The following DIS3L2 variants were observed in gnomAD, a reference collection of about 807,000 sequenced individuals.
DIS3L2 encodes DIS3 like 3'-5' exoribonuclease 2.
Under a neutral mutation model 97.5 loss-of-function variants are expected in DIS3L2, and 34 were observed. That is an observed-to-expected ratio of 0.35 (90% CI 0.27 to 0.46). The LOEUF (loss-of-function observed/expected upper bound fraction) is 0.46. Among genes scored for constraint, DIS3L2 ranks in the 20% least tolerant of loss-of-function variants. The pLI, the probability that DIS3L2 is intolerant of heterozygous loss-of-function variation, is 1.00. For synonymous variants in DIS3L2, 435 were observed against 445.2 expected (o/e 0.98, Z 0.29); for missense variants, 1,038 against 1,146.0 (o/e 0.91, Z 1.36).
In DIS3L2 at chr2:232,163,523, G is replaced by C; in HGVS notation, c.1015G>C (p.Glu339Gln). The change falls in exon 9 of 21, where the codon GAG becomes CAG. Residue 339 changes from glutamate to glutamine, a missense_variant. This residue lies in a region of DIS3L2 where 813 missense variants were observed against 880.1 expected (regional missense o/e 0.92). Coordinates refer to ENST00000325385, the MANE Select transcript of DIS3L2 (RefSeq NM_152383.5). ...GCCTGAAACAGAAGGAATACTAACAGAGTATGGCGTGGATTTCTCTGATTT... is the reference window on the plus strand; with the variant it reads ...GCCTGAAACAGAAGGAATACTAACACAGTATGGCGTGGATTTCTCTGATTT... ...IEPETEGILT[E>Q]YGVDFSDFSS... 6.2e-7 allele frequency: 1 copy of C among 1,614,216 alleles called. No homozygotes were observed. Among genetic ancestry groups the C allele is most frequent in the Non-Finnish European group, 8.5e-7 (1 of 1,180,038 alleles).
intron 13 of DIS3L2, among the ~76,000 whole-genome samples, chr2:232,272,019 G>A (rs1247623396): frequency 6.6e-6 from 1 of 152,192 alleles, no homozygotes; most frequent in Non-Finnish European, 1.5e-5. Context: ...TTTCTGGCTT[G>A]TTCACGAGTG....
At chr2:232,031,593 T>C (rs958125580) in intron 5 of DIS3L2, among the ~76,000 whole-genome samples, 2 of 151,964 alleles carry the variant, frequency 1.3e-5, no homozygotes, top group Non-Finnish European at 2.9e-5. Flanking sequence ...GGTGGTTTGC[T>C]GCACCCATTA....
At chr2:232,144,990 A>C (rs992080371) in intron 8 of DIS3L2, among the ~76,000 whole-genome samples, 3 of 152,200 alleles carry the variant, frequency 2.0e-5, no homozygotes, top group Non-Finnish European at 4.4e-5. Context: ...CTGGTTAAGG[A>C]GGCATCTGCC....
chr2:232,339,731 CGA>C (rs1169140442), downstream of DIS3L2: 4 of 455,950 alleles, frequency 8.8e-6, no homozygotes, highest in Admixed American at 2.4e-5. Flanking sequence ...GCCACATGGA[CGA>C]GAGAGCCGGG....
chr2:232,147,120 A>C lies in DIS3L2; in HGVS notation c.950+10401A>C, dbSNP rs533062177. 5.3e-5 allele frequency among the ~76,000 whole-genome samples: 8 copies of C among 152,252 alleles called. No individual in the cohort carries two copies. The East Asian group carries it at 1.5e-3, about 29-fold the overall frequency. ...TCCTTTTCTGCTCCAAGATTTTTAA[A>C]ATAAACTTAATTTTAATTAATTAAT... is the stretch of plus-strand genomic sequence containing the variant. On this transcript the variant is annotated intron_variant, in intron 8 of 20. Transcript: ENST00000325385.
At chr2:232,182,956 A>G (rs1240161724) in intron 9 of DIS3L2, among the ~76,000 whole-genome samples, 1 of 152,068 alleles carries the variant, frequency 6.6e-6, no homozygotes, top group Non-Finnish European at 1.5e-5. Context: ...CTATGCTGTG[A>G]TCTGAATGTC....
rs1386202116 is a variant in DIS3L2, at chr2:232,030,054, A to G, written c.340A>G (p.Lys114Glu). 6.2e-7 allele frequency: 1 copy of G among 1,611,680 alleles called. No individual in the cohort carries two copies. The highest frequency in any genetic ancestry group is 1.3e-5 in the African/African-American group (1 of 74,810). The part of the protein sequence containing the change: ...RALNGDLVVV[K>E]LLPEEHWKVV... ...CTTAAATGGGGATCTGGTGGTCGTG[A>G]AACTGCTTCCCGAGGAGCATTGGAA... The change falls in exon 5 of 21, where the codon AAA (lysine) becomes GAA (glutamate). Residue 114 changes from lysine (K) to glutamate (E), a missense_variant. Around this residue, in one of 3 missense-constraint regions of DIS3L2, gnomAD observed 813 missense variants for 880.1 expected, o/e 0.92. Coordinates refer to ENST00000325385, the MANE Select transcript of DIS3L2 (RefSeq NM_152383.5).
chr2:231,999,269 C>T (rs888553678), intron 1 of DIS3L2, among the ~76,000 whole-genome samples: 1 of 152,076 alleles, frequency 6.6e-6, no homozygotes, highest in African/African-American at 2.4e-5. Flanking sequence ...CAGAATTGGC[C>T]ATTTTTCCAT....
intron 6 of DIS3L2, among the ~76,000 whole-genome samples, chr2:232,119,480 T>C (rs1356908663): frequency 6.6e-6 from 1 of 152,218 alleles, no homozygotes; most frequent in East Asian, 1.9e-4. Flanking sequence ...TTGAGTAAGA[T>C]GCAGAATTAG....
chr2:232,000,613 T>TTTTCTTTTCCTTTCCTTTCC (rs1693854070), intron 1 of DIS3L2, among the ~76,000 whole-genome samples: 1 of 107,316 alleles, frequency 9.3e-6, no homozygotes, highest in Non-Finnish European at 1.8e-5. Flanking sequence ...CTTTCCTTTC[T>TTTTCTTTTCCTTTCCTTTCC]TTTCCTTTCC....
intron 13 of DIS3L2, among the ~76,000 whole-genome samples, chr2:232,275,483 A>G (rs1221487555): frequency 6.6e-6 from 1 of 152,176 alleles, no homozygotes; most frequent in Non-Finnish European, 1.5e-5. Context: ...CACTGTGCCC[A>G]TTGTATTGTC....
intron 13 of DIS3L2, among the ~76,000 whole-genome samples, chr2:232,265,414 T>TC (rs1693829174): frequency 6.6e-6 from 1 of 152,258 alleles, no homozygotes; most frequent in East Asian, 1.9e-4. Context: ...CTGGCCTCCC[T>TC]CCCCCAGCTC....
rs536162469 is a variant in DIS3L2, at chr2:232,293,046, C to G, written c.1660-6994C>G. ...CTGCCATTCTTGCAGGCTGACTTCCCAAGCTGAGCTGCTCTGTGGGTGGTC... is the reference window on the plus strand; with the variant it reads ...CTGCCATTCTTGCAGGCTGACTTCCGAAGCTGAGCTGCTCTGTGGGTGGTC... On this transcript the variant is annotated intron_variant, in intron 13 of 20. Transcript: ENST00000325385. The surrounding 1 kb of genome is among the most constrained non-coding windows in gnomAD (Gnocchi z 4.6). Among the ~76,000 whole-genome samples the G allele has an allele frequency of 2.1e-3, 322 of 152,234 alleles. 2 individuals are homozygous for G. Among genetic ancestry groups the G allele is most frequent in the African/African-American group, 7.3e-3 (305 of 41,540 alleles).
chr2:232,163,430 C>G, intron 8 of DIS3L2, 29 bp from the exon 9 acceptor site: 1 of 1,600,962 alleles, frequency 6.2e-7, no homozygotes, highest in East Asian at 2.2e-5. Context: ...TTTGCTAACC[C>G]AGTTATTCCG....
chr2:232,122,055 C>T (rs1697922741), intron 6 of DIS3L2, among the ~76,000 whole-genome samples: 1 of 152,140 alleles, frequency 6.6e-6, no homozygotes, highest in Non-Finnish European at 1.5e-5. Flanking sequence ...ATCATGTCAG[C>T]CTTTTGCCAC....
downstream of DIS3L2, among the ~76,000 whole-genome samples, chr2:232,338,310 C>G (rs553588109): frequency 6.6e-6 from 1 of 152,152 alleles, no homozygotes; most frequent in African/African-American, 2.4e-5. Flanking sequence ...CAGACCCGGA[C>G]GGACACCTGT....
intron 9 of DIS3L2, among the ~76,000 whole-genome samples, chr2:232,183,821 G>A (rs576242144): frequency 5.3e-5 from 8 of 152,236 alleles, no homozygotes; most frequent in African/African-American, 1.9e-4. Context: ...AAGCAAACCC[G>A]GTAAATGGGG....
At chr2:232,264,561 A>G (rs1693805550) in intron 13 of DIS3L2, among the ~76,000 whole-genome samples, 1 of 151,980 alleles carries the variant, frequency 6.6e-6, no homozygotes, top group African/African-American at 2.4e-5. Context: ...TTCTCACCCA[A>G]ACACTCCTTC....
downstream of DIS3L2, chr2:232,340,612 G>A (rs573324936): frequency 2.2e-6 from 1 of 457,434 alleles, no homozygotes; most frequent in East Asian, 7.0e-5. Flanking sequence ...CAGCGCTCAG[G>A]GCATGGATAG....
Sources: gnomAD v4.1 joint callset for allele counts (sites outside exome capture counted in the v4.1 genomes callset) on GRCh38, gnomAD v4.1.1 for gene constraint, gnomAD v4.1.1 regional missense constraint, Gnocchi (gnomAD v3.1) non-coding constraint, MANE v1.5 for transcripts, NCBI Gene and HGNC (gene_info 2026-07-23, HGNC 2026-07-21) for gene names.